The following PFKP variants were observed in gnomAD, a reference collection of about 807,000 sequenced individuals.
PFKP encodes the protein phosphofructokinase, platelet, also known as ATP-dependent 6-phosphofructokinase, platelet type.
Under a neutral mutation model 94.3 loss-of-function variants are expected in PFKP, and 101 were observed. The ratio of observed to expected loss-of-function variants is 1.07; its 90% confidence interval spans 0.91 to 1.26. The LOEUF (loss-of-function observed/expected upper bound fraction) is 1.26, where lower values mean the gene tolerates loss of function less well. PFKP is among the 50% of genes most tolerant of loss of function. PFKP has a pLI of 0.00. For synonymous variants in PFKP, 573 were observed against 432.6 expected (o/e 1.32, Z -4.03); for missense variants, 1,145 against 1,103.3 (o/e 1.04, Z -0.53).
intron 16 of PFKP, among the ~76,000 whole-genome samples, chr10:3,127,362 C>T (rs1032222431): frequency 1.3e-5 from 2 of 152,252 alleles, no homozygotes; most frequent in African/African-American, 4.8e-5. Flanking sequence ...ACAAATCAGC[C>T]TCTTGGGAGA....
chr10:3,136,312 T>C (rs1253920873), intron 21 of PFKP, 138 bp from the exon 22 acceptor site: 3 of 739,978 alleles, frequency 4.1e-6, no homozygotes, highest in East Asian at 2.7e-5. Context: ...GATCCTGAAA[T>C]TGGCTTTATC....
chr10:3,095,885 A>T (rs1365662849), intron 2 of PFKP, among the ~76,000 whole-genome samples: 1 of 152,200 alleles, frequency 6.6e-6, no homozygotes, highest in Non-Finnish European at 1.5e-5. Context: ...GTCATTTCCT[A>T]GCAACTTAGC....
At chr10:3,131,382 GA>G (rs1838571690) in intron 17 of PFKP, among the ~76,000 whole-genome samples, 1 of 152,188 alleles carries the variant, frequency 6.6e-6, no homozygotes, top group Non-Finnish European at 1.5e-5. Flanking sequence ...CCGTATTTCA[GA>G]AATCTATCCA....
chr10:3,082,872 C>G (rs1833196967), intron 2 of PFKP, among the ~76,000 whole-genome samples: 2 of 152,164 alleles, frequency 1.3e-5, no homozygotes, highest in Admixed American at 1.3e-4. Flanking sequence ...CCACCACACC[C>G]AGCTAATTTT....
chr10:3,090,092 A>T (rs1479586648), intron 2 of PFKP, among the ~76,000 whole-genome samples: 1 of 152,230 alleles, frequency 6.6e-6, no homozygotes, highest in African/African-American at 2.4e-5. Context: ...TTATTGGCTG[A>T]ATAATATTCC....
At chr10:3,136,237 C>T (rs958405322) in intron 21 of PFKP, among the ~76,000 whole-genome samples, 1 of 152,116 alleles carries the variant, frequency 6.6e-6, no homozygotes, top group Non-Finnish European at 1.5e-5. Flanking sequence ...TGTACTCAAG[C>T]CTGGCGACAG....
rs1262121817 is a variant in PFKP at position 3,067,592 on chromosome 10, C to T, written c.-4C>T. 7 of 1,498,260 alleles carry T rather than the reference C, an allele frequency of 4.7e-6. No homozygotes were observed. Among genetic ancestry groups the T allele is most frequent in the Non-Finnish European group, 5.4e-6 (6 of 1,112,628 alleles). The allele number at this position is 1,498,260 out of a possible 1,614,324, so 92.8% of individuals were successfully genotyped here. ...GACGTGCGGCTCCCCTCGGCCTCCT[C>T]GCCATGGACGCGGACGACTCCCGGG... On this transcript the variant is annotated 5_prime_UTR_variant, in exon 1 of 22. Transcript: ENST00000381125.
intron 16 of PFKP, among the ~76,000 whole-genome samples, chr10:3,123,571 C>T (rs913774039): frequency 6.6e-6 from 1 of 152,192 alleles, no homozygotes; most frequent in Non-Finnish European, 1.5e-5. Context: ...TCCCAGGTCA[C>T]CCACACCGTC....
rs745382243 is a variant in PFKP at position 3,107,224 on chromosome 10, G to A, written c.785G>A (p.Arg262Gln). The change falls in exon 8 of 22, where the codon CGG (arginine) becomes CAG (glutamine). Residue 262 changes from arginine (R) to glutamine (Q), a missense_variant. By Grantham distance (43) the Arg-to-Gln change is conservative (BLOSUM62 1). Coordinates refer to ENST00000381125, the MANE Select transcript of PFKP (RefSeq NM_002627.5). ...MCVKLSENRARKKRLNIIIVA... is the reference protein window; with the variant it reads ...MCVKLSENRAQKKRLNIIIVA... ...TTTCTGTCTCCACAGAACCGTGCCC[G>A]GAAAAAAAGGCTGAATATTATTATT... 2.1e-5 allele frequency: 34 copies of A among 1,606,620 alleles called. No homozygotes were observed. The highest frequency in any genetic ancestry group is 9.9e-5 in the South Asian group (9 of 90,866).
At chr10:3,124,243 G>A (rs181892128) in intron 16 of PFKP, among the ~76,000 whole-genome samples, 4 of 152,306 alleles carry the variant, frequency 2.6e-5, no homozygotes, top group Non-Finnish European at 5.9e-5. Flanking sequence ...AGACGGACAC[G>A]TCCAAGACCA....
chr10:3,096,913 C>T (rs1316881304), intron 2 of PFKP, among the ~76,000 whole-genome samples: 1 of 122,702 alleles, frequency 8.1e-6, no homozygotes, highest in Non-Finnish European at 1.8e-5. Context: ...CCCGTCTCTA[C>T]TAAAAATACA....
rs566002122 is a variant in PFKP, at chr10:3,119,999, C to G, written c.1638C>G (p.Ser546=). The G allele has an allele frequency of 3.1e-6, 5 of 1,614,134 alleles. No homozygotes were observed. Among genetic ancestry groups the G allele is most frequent in the Non-Finnish European group, 4.2e-6 (5 of 1,180,002 alleles). Residue 546 remains serine (S), a synonymous_variant, in exon 16 of 22, where the codon TCC becomes TCG. Coordinates refer to ENST00000381125, the MANE Select transcript of PFKP (RefSeq NM_002627.5). The part of the protein sequence containing the change: ...PATVSNNVPG[S]DFSIGADTAL... ...CTGTGTCCAACAATGTGCCGGGTTC[C>G]GATTTCAGCATCGGGGCAGACACCG...
intron 8 of PFKP, chr10:3,107,916 G>A (rs1835797189): frequency 2.3e-6 from 3 of 1,289,516 alleles, no homozygotes; most frequent in South Asian, 1.2e-5. Flanking sequence ...TGCCGGGGCT[G>A]GGGATGGGCT....
intron 2 of PFKP, among the ~76,000 whole-genome samples, chr10:3,088,544 C>T (rs1450012931): frequency 3.9e-5 from 6 of 152,132 alleles, no homozygotes; most frequent in South Asian, 4.1e-4. Context: ...GCCGAGGTGA[C>T]GGCTCCCACC....
intron 13 of PFKP, among the ~76,000 whole-genome samples, chr10:3,115,810 G>A (rs1241160086): frequency 6.6e-6 from 1 of 152,128 alleles, no homozygotes; most frequent in Non-Finnish European, 1.5e-5. Context: ...AGAGTAGGGT[G>A]GGAAGAGGAA....
intron 4 of PFKP, among the ~76,000 whole-genome samples, chr10:3,101,981 G>A (rs369621758): frequency 6.6e-6 from 1 of 150,774 alleles, no homozygotes; most frequent in Admixed American, 6.6e-5. Flanking sequence ...GCCGGGCGCG[G>A]TGGCTCACGC....
chr10:3,093,798 C>A (rs1009064770), intron 2 of PFKP, among the ~76,000 whole-genome samples: 2 of 152,082 alleles, frequency 1.3e-5, no homozygotes, highest in Non-Finnish European at 2.9e-5. Flanking sequence ...CTCCCGCCAC[C>A]ACACCCGGCT....
chr10:3,125,052 T>A (rs748374183), intron 16 of PFKP: 7 of 1,164,942 alleles, frequency 6.0e-6, no homozygotes, highest in Non-Finnish European at 7.6e-6. Context: ...GGCTGGCAGG[T>A]GAGCACCCGG....
chr10:3,131,983 C>T lies in PFKP; in HGVS notation c.1849-397C>T, dbSNP rs58135762. ...TTTGGTCAGACACTGCTCATCAGGC[C>T]GTCACATGAGATTCCATAGAAAGGC... On this transcript the variant is annotated intron_variant, in intron 17 of 21. Transcript: ENST00000381125. 5.5e-3 allele frequency among the ~76,000 whole-genome samples: 841 copies of T among 152,074 alleles called. 5 individuals carry two copies. The highest frequency in any genetic ancestry group is 0.037 in the Middle Eastern group (11 of 294).
Sources: gnomAD v4.1 joint callset for allele counts (sites outside exome capture counted in the v4.1 genomes callset) on GRCh38, gnomAD v4.1.1 for gene constraint, MANE v1.5 for transcripts, NCBI Gene and HGNC (gene_info 2026-07-23, HGNC 2026-07-21) for gene names.